The following PTPRD variants were observed in gnomAD, a reference collection of about 807,000 sequenced individuals.
PTPRD encodes protein tyrosine phosphatase receptor type D.
Under a neutral mutation model 214.5 loss-of-function variants are expected in PTPRD, and 34 were observed. That is an observed-to-expected ratio of 0.16 (90% CI 0.12 to 0.21). PTPRD has a LOEUF of 0.21. Among genes scored for constraint, PTPRD ranks in the 10% least tolerant of loss-of-function variants. The pLI, the probability that PTPRD is intolerant of heterozygous loss-of-function variation, is 1.00. For missense variants in PTPRD, 2,545 were observed against 2,398.7 expected, an observed-to-expected ratio of 1.06 and a Z score of -1.27; for synonymous variants, 1,128 against 845.7, an observed-to-expected ratio of 1.33 and a Z score of -5.79.
chr9:9,726,196 G>T (rs903773058), intron 7 of PTPRD, among the ~76,000 whole-genome samples: 1 of 151,980 alleles, frequency 6.6e-6, no homozygotes, highest in Non-Finnish European at 1.5e-5. Context: ...GAACCTCCTC[G>T]GTTAACTCCA....
chr9:10,338,329 T>C (rs916179052), intron 3 of PTPRD, among the ~76,000 whole-genome samples: 33 of 151,574 alleles, frequency 2.2e-4, no homozygotes, highest in Admixed American at 2.0e-3. Context: ...CCTGAGACAG[T>C]TGCCTGAAAT....
At chr9:9,785,625 A>G (rs139208656) in intron 5 of PTPRD, among the ~76,000 whole-genome samples, 15 of 152,248 alleles carry the variant, frequency 9.9e-5, no homozygotes, top group South Asian at 2.1e-4. Context: ...ATCAGCAGAA[A>G]CTAAGGAAAT....
chr9:8,689,614 C>T (rs1362344413), intron 12 of PTPRD, among the ~76,000 whole-genome samples: 1 of 152,058 alleles, frequency 6.6e-6, no homozygotes, highest in East Asian at 1.9e-4. Context: ...GAAACCACCC[C>T]CATGATTCAA....
chr9:9,096,779 G>C (rs552903835), intron 10 of PTPRD, among the ~76,000 whole-genome samples: 1 of 152,286 alleles, frequency 6.6e-6, no homozygotes, highest in South Asian at 2.1e-4. Flanking sequence ...TTGTGCTAAA[G>C]TAAATGAGGT....
intron 4 of PTPRD, among the ~76,000 whole-genome samples, chr9:10,000,888 G>A (rs1482883363): frequency 6.6e-6 from 1 of 152,120 alleles, no homozygotes; most frequent in Admixed American, 6.5e-5. Context: ...TTAAGAGCCT[G>A]GGGTGGGAGG....
intron 5 of PTPRD, among the ~76,000 whole-genome samples, chr9:9,824,205 A>C (rs925345767): frequency 6.6e-6 from 1 of 151,994 alleles, no homozygotes; most frequent in Middle Eastern, 3.2e-3. Flanking sequence ...TCAGAAATCC[A>C]AAACATTTCT....
At chr9:8,347,773 T>C (rs762659919) in intron 39 of PTPRD, among the ~76,000 whole-genome samples, 2 of 152,160 alleles carry the variant, frequency 1.3e-5, no homozygotes, top group Non-Finnish European at 2.9e-5. Flanking sequence ...TCTTTTTCTC[T>C]ATGCATACAC....
At chr9:8,871,794 T>C (rs1356274750) in intron 11 of PTPRD, among the ~76,000 whole-genome samples, 1 of 149,960 alleles carries the variant, frequency 6.7e-6, no homozygotes, top group African/African-American at 2.4e-5. Context: ...ATAATAATAA[T>C]AGCTTAACTT....
intron 7 of PTPRD, among the ~76,000 whole-genome samples, chr9:9,580,639 C>T (rs762444318): frequency 2.3e-4 from 35 of 150,652 alleles, no homozygotes; most frequent in Non-Finnish European, 4.6e-4. Context: ...ACCTCTGCCT[C>T]CATGATTCAA....
intron 7 of PTPRD, among the ~76,000 whole-genome samples, chr9:9,721,908 A>G (rs1283636356): frequency 6.6e-6 from 1 of 152,062 alleles, no homozygotes; most frequent in East Asian, 1.9e-4. Flanking sequence ...CTTACATAAG[A>G]ATTTGAGTTG....
chr9:9,765,484 T>C (rs2098699188), intron 6 of PTPRD, among the ~76,000 whole-genome samples: 2 of 152,128 alleles, frequency 1.3e-5, no homozygotes, highest in Non-Finnish European at 2.9e-5. Flanking sequence ...TAAAGAACAG[T>C]GACTCATCAA....
chr9:8,373,357 G>T (rs1249308242), intron 39 of PTPRD, among the ~76,000 whole-genome samples: 1 of 151,946 alleles, frequency 6.6e-6, no homozygotes, highest in South Asian at 2.1e-4. Flanking sequence ...TTACCTATGG[G>T]TAATTATTTC....
rs536911683 is a variant in PTPRD, at chr9:8,549,119, T to A, written c.353-20340A>T. Among the ~76,000 whole-genome samples the A allele has an allele frequency of 2.2e-4, 33 of 152,242 alleles. No individual in the cohort carries two copies. The South Asian group carries it at 3.9e-3, about 18-fold the overall frequency. On this transcript the variant is annotated intron_variant, in intron 14 of 45. Coordinates refer to ENST00000381196, the MANE Select transcript of PTPRD (RefSeq NM_002839.4). ...CAGTTAGGTAGTTACTATATTAGTT[T>A]AAATGTGAGATGATAAAGTCTATGT... is the stretch of plus-strand genomic sequence containing the variant.
At chr9:9,261,311 G>A (rs897972944) in intron 9 of PTPRD, among the ~76,000 whole-genome samples, 7 of 151,804 alleles carry the variant, frequency 4.6e-5, no homozygotes, top group Admixed American at 2.0e-4. Flanking sequence ...GGGACCACAC[G>A]TTAAAATACC....
intron 11 of PTPRD, among the ~76,000 whole-genome samples, chr9:8,817,764 C>G (rs561991789): frequency 1.6e-4 from 25 of 152,328 alleles, no homozygotes; most frequent in African/African-American, 5.1e-4. Flanking sequence ...TAGCCTCTGT[C>G]CTAACAACCA....
chr9:9,687,983 G>C (rs980628943), intron 7 of PTPRD, among the ~76,000 whole-genome samples: 1 of 151,722 alleles, frequency 6.6e-6, no homozygotes, highest in Non-Finnish European at 1.5e-5. Flanking sequence ...ATAATAGTGA[G>C]GGAATTCTCA....
At chr9:9,914,171 G>T (rs2080011457) in intron 5 of PTPRD, among the ~76,000 whole-genome samples, 1 of 152,162 alleles carries the variant, frequency 6.6e-6, no homozygotes, top group African/African-American at 2.4e-5. Context: ...GAGGTTCTGA[G>T]CAGCTAATAC....
chr9:8,573,603 C>A (rs959556068), intron 14 of PTPRD, among the ~76,000 whole-genome samples: 4 of 151,878 alleles, frequency 2.6e-5, no homozygotes, highest in African/African-American at 9.7e-5. Flanking sequence ...AGCCATCTTT[C>A]TTGACTATTA....
intron 2 of PTPRD, among the ~76,000 whole-genome samples, chr9:10,348,554 A>T (rs1471371894): frequency 1.3e-5 from 2 of 152,160 alleles, no homozygotes; most frequent in African/African-American, 4.8e-5. Context: ...TGGTCAGATA[A>T]AGCATAAAAC....
Sources: gnomAD v4.1 joint callset for allele counts (sites outside exome capture counted in the v4.1 genomes callset) on GRCh38, gnomAD v4.1.1 for gene constraint, MANE v1.5 for transcripts, NCBI Gene and HGNC (gene_info 2026-07-23, HGNC 2026-07-21) for gene names.